TMTC1: variants seen among roughly 807,000 people sequenced by gnomAD.
TMTC1 encodes the protein protein O-mannosyl-transferase TMTC1.
A neutral mutation model predicts 104.8 loss-of-function variants in TMTC1; 73 were observed. The ratio of observed to expected loss-of-function variants is 0.70; its 90% CI spans 0.58 to 0.85. TMTC1 has a LOEUF of 0.85. TMTC1 is among the 40% of genes least tolerant of loss of function. TMTC1 has a pLI of 0.00. For synonymous variants in TMTC1, 434 were observed against 428.7 expected, an observed-to-expected ratio of 1.01 and a Z score of -0.15; for missense variants, 1,035 against 1,096.1, an observed-to-expected ratio of 0.94 and a Z score of 0.79.
intron 5 of TMTC1, among the ~76,000 whole-genome samples, chr12:29,702,221 A>AGATTT (rs1941614515): frequency 6.6e-6 from 1 of 152,192 alleles, no homozygotes; most frequent in Non-Finnish European, 1.5e-5. Flanking sequence ...ATGAAACATT[A>AGATTT]CACCCACCTT....
chr12:29,612,223 G>A (rs1946863850), intron 6 of TMTC1, among the ~76,000 whole-genome samples: 1 of 152,114 alleles, frequency 6.6e-6, no homozygotes, highest in South Asian at 2.1e-4. Context: ...GGCCAAATGA[G>A]ACACTGCTGA....
chr12:29,651,235 T>G (rs576414123), intron 5 of TMTC1, among the ~76,000 whole-genome samples: 1 of 152,198 alleles, frequency 6.6e-6, no homozygotes, highest in African/African-American at 2.4e-5. Flanking sequence ...TGGCTGTATA[T>G]TTTAAAAGAC....
At chr12:29,770,488 G>C (rs189297347) in intron 1 of TMTC1, among the ~76,000 whole-genome samples, 1 of 152,308 alleles carries the variant, frequency 6.6e-6, no homozygotes. Flanking sequence ...AATTCCATCT[G>C]TGGGGTTATA....
intron 5 of TMTC1, among the ~76,000 whole-genome samples, chr12:29,732,767 A>AAAT (rs1190781423): frequency 6.6e-6 from 1 of 152,128 alleles, no homozygotes; most frequent in Non-Finnish European, 1.5e-5. Context: ...GTGACATAAC[A>AAAT]AATCACTCTT....
intron 5 of TMTC1, among the ~76,000 whole-genome samples, chr12:29,741,343 C>CCAATGG (rs1942819763): frequency 1.3e-5 from 2 of 152,172 alleles, no homozygotes; most frequent in Non-Finnish European, 2.9e-5. Flanking sequence ...AACTCTCACA[C>CCAATGG]AGTTTCTAAC....
intron 5 of TMTC1, among the ~76,000 whole-genome samples, chr12:29,686,656 A>G (rs1941103795): frequency 6.6e-6 from 1 of 152,092 alleles, no homozygotes. Flanking sequence ...TTGAGCTTCC[A>G]TTTCCCACAT....
intron 7 of TMTC1, among the ~76,000 whole-genome samples, chr12:29,592,823 T>C (rs1046546475): frequency 2.0e-5 from 3 of 152,216 alleles, no homozygotes; most frequent in South Asian, 4.1e-4. Flanking sequence ...CATTATACTA[T>C]AATGATATTA....
At chr12:29,782,487 T>A (rs1007028622) in intron 1 of TMTC1, among the ~76,000 whole-genome samples, 1 of 152,124 alleles carries the variant, frequency 6.6e-6, no homozygotes. Context: ...ACGCCGATAA[T>A]AGCGCACCAA....
At chr12:29,676,998 A>T (rs774428374) in intron 5 of TMTC1, among the ~76,000 whole-genome samples, 4 of 152,228 alleles carry the variant, frequency 2.6e-5, no homozygotes, top group Non-Finnish European at 4.4e-5. Flanking sequence ...GGAGATGCAG[A>T]CAAGGTCCAA....
Position 29,508,618 on chromosome 12 carries a change from G to T in TMTC1, c.2509-1632C>A, listed in dbSNP as rs185334040. Among the ~76,000 whole-genome samples, 398 of 152,124 alleles carry T rather than the reference G, an allele frequency of 2.6e-3. 1 individual carries two copies. Among genetic ancestry groups the T allele is most frequent in the Non-Finnish European group, 4.1e-3 (279 of 68,004 alleles). On this transcript the variant is annotated intron_variant, in intron 17 of 17. Coordinates refer to ENST00000539277, the MANE Select transcript of TMTC1 (RefSeq NM_001193451.2). ...GTATTTTTTTTTTCTCTGTAGCCCA[G>T]GCTGGAGTGCAGTGGTGCAATGTCA... is the stretch of plus-strand genomic sequence containing the variant.
In TMTC1 at chr12:29,532,498, T is replaced by C. The variant is rs923116877; in HGVS notation, c.1785+3711A>G. On this transcript the variant is annotated intron_variant, in intron 11 of 17. Transcript: ENST00000539277. ...TAACCATATATTACAGCAAATCATT[T>C]TGATAAATCAGTAAGCAGCCATTTA... 4 of 152,166 alleles carry C rather than the reference T, an allele frequency of 2.6e-5. No individual in the cohort carries two copies. In the East Asian group the frequency reaches 7.7e-4, roughly 29 times the overall value. The allele number at this position is 152,166 out of a possible 1,614,324, so 9.4% of individuals were successfully genotyped here.
At chr12:29,654,438 C>T (rs1056038965) in intron 5 of TMTC1, among the ~76,000 whole-genome samples, 1 of 152,134 alleles carries the variant, frequency 6.6e-6, no homozygotes, top group Non-Finnish European at 1.5e-5. Context: ...TAATAAAACA[C>T]ACTGTCAAAA....
At chr12:29,707,087 G>A (rs1036163845) in intron 5 of TMTC1, among the ~76,000 whole-genome samples, 6 of 152,238 alleles carry the variant, frequency 3.9e-5, no homozygotes, top group Non-Finnish European at 7.4e-5. Context: ...AATCAATTAC[G>A]AGGCAGAAGA....
intron 10 of TMTC1, among the ~76,000 whole-genome samples, chr12:29,554,854 C>A (rs1007715366): frequency 6.6e-6 from 1 of 152,116 alleles, no homozygotes; most frequent in African/African-American, 2.4e-5. Context: ...CAAATATATA[C>A]ATGAAATAAA....
At chr12:29,739,021 A>G (rs909671315) in intron 5 of TMTC1, among the ~76,000 whole-genome samples, 1 of 152,228 alleles carries the variant, frequency 6.6e-6, no homozygotes, top group African/African-American at 2.4e-5. Flanking sequence ...TCATTTTATC[A>G]TTCTCAAAAA....
intron 5 of TMTC1, among the ~76,000 whole-genome samples, chr12:29,682,460 C>T (rs929385846): frequency 4.0e-5 from 6 of 151,838 alleles, no homozygotes; most frequent in African/African-American, 1.5e-4. Context: ...GTTGTAATAG[C>T]GCAAAACTGA....
chr12:29,524,126 T>C (rs1425159253), intron 11 of TMTC1, among the ~76,000 whole-genome samples: 2 of 152,174 alleles, frequency 1.3e-5, no homozygotes, highest in East Asian at 1.9e-4. Flanking sequence ...AGAGAGACCA[T>C]TTGACATTTT....
rs1242972590 is a variant in TMTC1 at position 29,783,760 on chromosome 12, C to T, written c.-9G>A. 9 of 1,153,274 alleles carry T rather than the reference C, an allele frequency of 7.8e-6. No individual in the cohort carries two copies. In the East Asian group the frequency reaches 3.6e-4, roughly 46 times the overall value. 71.4% of individuals were successfully genotyped at this position (1,153,274 alleles called of 1,614,324 possible). On this transcript the variant is annotated 5_prime_UTR_variant, in exon 1 of 18. Coordinates refer to ENST00000539277, the MANE Select transcript of TMTC1 (RefSeq NM_001193451.2). The surrounding 1 kb of genome is among the most constrained non-coding windows in gnomAD (Gnocchi z 4.7). ...GAGGTGGTCACCACCATCGCGCCGC[C>T]GCCGCCGCTGCTGCCCTGGCCTCTC...
upstream of TMTC1, chr12:29,784,408 C>T (rs962881479): frequency 6.6e-6 from 1 of 152,242 alleles, no homozygotes; most frequent in Non-Finnish European, 1.5e-5. Flanking sequence ...CCACCCGCCC[C>T]GCGCTCGCGT....
Sources: allele counts gnomAD v4.1 joint callset (sites outside exome capture counted in the v4.1 genomes callset), GRCh38; gene constraint gnomAD v4.1.1; non-coding constraint Gnocchi (gnomAD v3.1); transcripts MANE v1.5; gene names NCBI Gene and HGNC (gene_info 2026-07-23, HGNC 2026-07-21).